The following TBC1D4 variants were observed in gnomAD, a reference collection of about 807,000 sequenced individuals.
The protein encoded by TBC1D4 is TBC (Tre-2, BUB2, CDC16) domain-containing protein.
Under a neutral mutation model 142.5 loss-of-function variants are expected in TBC1D4, and 121 were observed. That is an observed-to-expected ratio of 0.85 (90% confidence interval 0.73 to 0.99). TBC1D4 has a LOEUF of 0.99. Ranked by LOEUF, TBC1D4 falls within the 50% of genes least tolerant of loss-of-function variation. The probability of loss-of-function intolerance (pLI) is 0.00; values close to 1 mark genes in which losing one functional copy is unlikely to be tolerated. For missense variants in TBC1D4, 1,475 were observed against 1,606.6 expected (o/e 0.92, Z 1.40); for synonymous variants, 630 against 628.2 (o/e 1.00, Z -0.04).
Position 75,482,078 on chromosome 13 carries a change from A to T in TBC1D4, c.-311T>A, listed in dbSNP as rs927195685. ...TCCCCTTCCTCCGTCGCGGGTTTGC[A>T]GGGTCAGAGGACCACGCCGAGGGTC... On this transcript the variant is annotated 5_prime_UTR_variant, in exon 1 of 21. Transcript: ENST00000377636. The T allele has an allele frequency of 3.5e-6, 1 of 284,900 alleles. No homozygotes were observed. Among genetic ancestry groups the T allele is most frequent in the African/African-American group, 2.2e-5 (1 of 45,444 alleles). The allele number at this position is 284,900 out of a possible 1,614,324, so 17.6% of individuals were successfully genotyped here.
intron 1 of TBC1D4, among the ~76,000 whole-genome samples, chr13:75,480,877 GCA>G (rs35548574): frequency 0.065 from 8,094 of 123,992 alleles, 645 homozygotes; most frequent in African/African-American, 0.18. Context: ...GCACACGCAC[GCA>G]CACACACACA....
chr13:75,431,599 G>C (rs1181360471), intron 1 of TBC1D4, among the ~76,000 whole-genome samples: 1 of 152,072 alleles, frequency 6.6e-6, no homozygotes, highest in African/African-American at 2.4e-5. Context: ...TTGGTCTGTT[G>C]GTCTAAGGAT....
At chr13:75,346,517 T>A (rs1257587765) in intron 5 of TBC1D4, among the ~76,000 whole-genome samples, 2 of 152,266 alleles carry the variant, frequency 1.3e-5, no homozygotes, top group Admixed American at 1.3e-4. Context: ...ACGGTGTATA[T>A]GTGCTACATT....
intron 1 of TBC1D4, among the ~76,000 whole-genome samples, chr13:75,422,866 CG>C (rs1886227777): frequency 6.6e-6 from 1 of 152,062 alleles, no homozygotes; most frequent in Non-Finnish European, 1.5e-5. Flanking sequence ...CAGCTACTCT[CG>C]GTTTTTAAAA....
chr13:75,398,798 G>GA (rs1357216728), intron 1 of TBC1D4, among the ~76,000 whole-genome samples: 1 of 152,178 alleles, frequency 6.6e-6, no homozygotes, highest in East Asian at 1.9e-4. Context: ...TTAGTATCAA[G>GA]AAAGTAAGAC....
chr13:75,370,833 T>C (rs148182570), intron 1 of TBC1D4, among the ~76,000 whole-genome samples: 24 of 152,242 alleles, frequency 1.6e-4, no homozygotes, highest in African/African-American at 5.8e-4. Context: ...CTAGATGGTA[T>C]TTAAAGCCAT....
intron 1 of TBC1D4, among the ~76,000 whole-genome samples, chr13:75,464,456 T>G (rs1042645672): frequency 6.6e-6 from 1 of 152,228 alleles, no homozygotes; most frequent in Non-Finnish European, 1.5e-5. Flanking sequence ...TTTCAGCCCA[T>G]CCCTTTGTTT....
At chr13:75,325,709 A>G (rs1283532399) in intron 10 of TBC1D4, among the ~76,000 whole-genome samples, 2 of 152,252 alleles carry the variant, frequency 1.3e-5, no homozygotes, top group South Asian at 2.1e-4. Flanking sequence ...GATACAATTT[A>G]TAACAATTTT....
chr13:75,331,805 C>T (rs1410237315), intron 8 of TBC1D4, among the ~76,000 whole-genome samples: 1 of 142,096 alleles, frequency 7.0e-6, no homozygotes, highest in African/African-American at 2.6e-5. Flanking sequence ...AGCTAAACTC[C>T]AAAACTGGAG....
chr13:75,341,680 G>C lies in TBC1D4; in HGVS notation c.1409-93C>G, dbSNP rs188853793. On this transcript the variant is annotated intron_variant, in intron 5 of 20. Transcript: ENST00000377636. ...ATTACACTTCACCTCTTCCCAAGCAGGCTCTGAACTTAAATCTTCTCAAGG... is the reference window on the plus strand; with the variant it reads ...ATTACACTTCACCTCTTCCCAAGCACGCTCTGAACTTAAATCTTCTCAAGG... 5.9e-4 allele frequency: 579 copies of C among 976,338 alleles called. 4 individuals are homozygous for C. In the African/African-American group the frequency reaches 8.2e-3, roughly 14 times the overall value. The allele number at this position is 976,338 out of a possible 1,614,324, so 60.5% of individuals were successfully genotyped here. A position where few individuals can be genotyped will look rare whatever the true frequency, so the allele number is the denominator to read the frequency against.
At chr13:75,359,695 A>G in intron 3 of TBC1D4, 74 bp downstream of exon 3, 2 of 1,209,558 alleles carry the variant, frequency 1.7e-6, no homozygotes, top group South Asian at 2.6e-5. Flanking sequence ...AAGGGGGTCA[A>G]GCCCACTTAT....
At chr13:75,429,122 A>C (rs1374460262) in intron 1 of TBC1D4, among the ~76,000 whole-genome samples, 1 of 152,230 alleles carries the variant, frequency 6.6e-6, no homozygotes, top group Non-Finnish European at 1.5e-5. Flanking sequence ...TTTCTTTTTA[A>C]GTATTAAAAC....
rs1005007621 is a variant in TBC1D4, at chr13:75,408,744, T to C, written c.499-46137A>G. Among the ~76,000 whole-genome samples, 15 of 152,292 alleles carry C rather than the reference T, an allele frequency of 9.8e-5. 1 individual carries two copies. In the East Asian group the frequency reaches 2.9e-3, roughly 29 times the overall value. Reference sequence around the variant, plus strand: ...TCTCATCAACACTTGTTATTATCAGTCATTTTTATTATAGCTGTTCTGGTG... The same window carrying C: ...TCTCATCAACACTTGTTATTATCAGCCATTTTTATTATAGCTGTTCTGGTG... On this transcript the variant is annotated intron_variant, in intron 1 of 20. Coordinates refer to ENST00000377636, the MANE Select transcript of TBC1D4 (RefSeq NM_014832.5).
At chr13:75,443,977 GAA>G (rs11287723) in intron 1 of TBC1D4, among the ~76,000 whole-genome samples, 340 of 147,880 alleles carry the variant, frequency 2.3e-3, no homozygotes, top group African/African-American at 7.1e-3. Context: ...ATATCCATCT[GAA>G]AAAAAAAAAA....
chr13:75,326,398 G>T lies in TBC1D4; in HGVS notation c.1832C>A (p.Pro611Gln). 1 of 1,614,132 alleles carries T rather than the reference G, an allele frequency of 6.2e-7. No homozygotes were observed. Among genetic ancestry groups the T allele is most frequent in the Non-Finnish European group, 8.5e-7 (1 of 1,180,020 alleles). The part of the protein sequence containing the change: ...EKDYSPGDSP[P>Q]GTPPASPPSS... ...CGGTGGGGACGCTGGCGGTGTCCCT[G>T]GTGGAGAATCCCCTGGTGAGTAGTC... Residue 611 changes from proline (P) to glutamine (Q), a missense_variant, in exon 10 of 21, where the codon CCA becomes CAA. Transcript: ENST00000377636.
chr13:75,422,614 G>A (rs2138126236), intron 1 of TBC1D4, among the ~76,000 whole-genome samples: 1 of 152,220 alleles, frequency 6.6e-6, no homozygotes, highest in South Asian at 2.1e-4. Context: ...AAAAACTGCT[G>A]TATTTTTGTT....
At chr13:75,289,877 C>G (rs959305910) in intron 19 of TBC1D4, among the ~76,000 whole-genome samples, 2 of 152,154 alleles carry the variant, frequency 1.3e-5, no homozygotes, top group African/African-American at 4.8e-5. Context: ...GGTGTCTATA[C>G]TAACACTGAG....
chr13:75,472,755 A>G (rs1379971983), intron 1 of TBC1D4, among the ~76,000 whole-genome samples: 2 of 152,190 alleles, frequency 1.3e-5, no homozygotes, highest in Non-Finnish European at 2.9e-5. Flanking sequence ...CAGCAGAATC[A>G]GGGAGTTCCA....
At chr13:75,461,143 A>C (rs1228399889) in intron 1 of TBC1D4, among the ~76,000 whole-genome samples, 1 of 152,222 alleles carries the variant, frequency 6.6e-6, no homozygotes, top group Non-Finnish European at 1.5e-5. Context: ...CTTACAAAAG[A>C]GTGAATCTAA....
Sources: gnomAD v4.1 joint callset for allele counts (sites outside exome capture counted in the v4.1 genomes callset) on GRCh38, gnomAD v4.1.1 for gene constraint, MANE v1.5 for transcripts, NCBI Gene and HGNC (gene_info 2026-07-23, HGNC 2026-07-21) for gene names.